The following DNAJC5B variants were observed in gnomAD, a reference collection of about 807,000 sequenced individuals.
DNAJC5B encodes the protein DnaJ heat shock protein family (Hsp40) member C5 beta.
Under a neutral mutation model 24.7 loss-of-function variants are expected in DNAJC5B, and 23 were observed. The ratio of observed to expected loss-of-function variants is 0.93; its 90% CI spans 0.67 to 1.32. DNAJC5B has a LOEUF of 1.32. Ranked by LOEUF, DNAJC5B falls within the 40% of genes most tolerant of loss-of-function variation. DNAJC5B has a pLI of 0.00. For missense variants in DNAJC5B, 238 were observed against 240.8 expected, an observed-to-expected ratio of 0.99 and a Z score of 0.08; for synonymous variants, 101 against 90.1, an observed-to-expected ratio of 1.12 and a Z score of -0.68.
chr8:66,029,699 C>A (rs1806319797), intron 1 of DNAJC5B, among the ~76,000 whole-genome samples: 1 of 152,088 alleles, frequency 6.6e-6, no homozygotes, highest in South Asian at 2.1e-4. Context: ...GTGATTAGGC[C>A]TGGTTAATTG....
intron 5 of DNAJC5B, among the ~76,000 whole-genome samples, chr8:66,096,667 A>G (rs7827531): frequency 0.36 from 54,698 of 151,998 alleles, 13,895 homozygotes; most frequent in African/African-American, 0.72. Flanking sequence ...TATTTTGTCC[A>G]TTAAAATATA....
Position 66,091,477 on chromosome 8 carries a change from G to T in DNAJC5B, c.506-8460G>T, listed in dbSNP as rs183326354. Among the ~76,000 whole-genome samples, 37 of 152,294 alleles carry T rather than the reference G, an allele frequency of 2.4e-4. No individual in the cohort carries two copies. The South Asian group carries it at 3.7e-3, about 15-fold the overall frequency. ...TTAGTACAAGCAAAGAATTGTCACA[G>T]CCTCTCCCCATATTCTTGTGGATAA... On this transcript the variant is annotated intron_variant, in intron 5 of 5. Transcript: ENST00000276570.
intron 1 of DNAJC5B, among the ~76,000 whole-genome samples, chr8:66,027,781 C>T (rs1291735092): frequency 6.6e-6 from 1 of 152,168 alleles, no homozygotes; most frequent in African/African-American, 2.4e-5. Context: ...TCAAGCTTAT[C>T]TCCTCTCATA....
Sources: gnomAD v4.1 joint callset for allele counts (sites outside exome capture counted in the v4.1 genomes callset) on GRCh38, gnomAD v4.1.1 for gene constraint, MANE v1.5 for transcripts, NCBI Gene and HGNC (gene_info 2026-07-23, HGNC 2026-07-21) for gene names.